The following HSPH1 variants were observed in gnomAD, a reference collection of about 807,000 sequenced individuals.
HSPH1 encodes heat shock protein family H (Hsp110) member 1.
A neutral mutation model predicts 100.0 loss-of-function variants in HSPH1; 40 were observed. That is an observed-to-expected ratio of 0.40 (90% CI 0.31 to 0.52). The LOEUF is 0.52. Ranked by LOEUF, HSPH1 falls within the 20% of genes least tolerant of loss-of-function variation. HSPH1 has a pLI of 0.54. For missense variants in HSPH1, 876 were observed against 1,015.1 expected (o/e 0.86, Z 1.86); for synonymous variants, 403 against 344.0 (o/e 1.17, Z -1.90).
rs1311889718 is a variant in HSPH1 at position 31,137,088 on chromosome 13, C to A, written c.*230G>T. 5.8e-6 allele frequency: 4 copies of A among 689,452 alleles called. No individual in the cohort carries two copies. Among genetic ancestry groups the A allele is most frequent in the East Asian group, 3.0e-5 (1 of 33,668 alleles). The allele number at this position is 689,452 out of a possible 1,614,324, so 42.7% of individuals were successfully genotyped here. On this transcript the variant is annotated 3_prime_UTR_variant, in exon 18 of 18. Transcript: ENST00000320027. ...GCAAATGGTGAGACTGCACAGAAAGCTTAGTATGAATTCACAATTCCACAG... is the reference window on the plus strand; with the variant it reads ...GCAAATGGTGAGACTGCACAGAAAGATTAGTATGAATTCACAATTCCACAG...
At chr13:31,138,112 A>C (rs147915449) in intron 17 of HSPH1, among the ~76,000 whole-genome samples, 1 of 152,070 alleles carries the variant, frequency 6.6e-6, no homozygotes, top group African/African-American at 2.4e-5. Context: ...GATGAGTTCC[A>C]TAAGGGCAGA....
intron 13 of HSPH1, chr13:31,140,804 A>G (rs924533389): frequency 1.5e-5 from 3 of 197,436 alleles, no homozygotes; most frequent in East Asian, 2.4e-4. Flanking sequence ...ATTTCAGACT[A>G]CTAAAAAAAT....
intron 1 of HSPH1, among the ~76,000 whole-genome samples, chr13:31,160,948 A>T (rs1217087275): frequency 6.6e-6 from 1 of 152,206 alleles, no homozygotes; most frequent in Admixed American, 6.5e-5. Flanking sequence ...CAGCGACACA[A>T]GCTCTGGAAG....
chr13:31,154,200 G>A (rs2073269416), intron 4 of HSPH1: 2 of 214,174 alleles, frequency 9.3e-6, no homozygotes, highest in South Asian at 6.8e-5. Flanking sequence ...GTCCACTGAA[G>A]GTAACAGGCT....
chr13:31,145,512 T>C (rs1185220308), intron 11 of HSPH1, 51 bp downstream of exon 11: 1 of 1,431,220 alleles, frequency 7.0e-7, no homozygotes, highest in Non-Finnish European at 9.8e-7. Flanking sequence ...CTCCTATAGC[T>C]TAGAACTAAG....
At chr13:31,143,949 G>A (rs1357478348) in intron 11 of HSPH1, 26 bp from the exon 12 acceptor site, 4 of 1,560,194 alleles carry the variant, frequency 2.6e-6, no homozygotes, top group African/African-American at 1.4e-5. Flanking sequence ...AGGCACAAAG[G>A]ATGTAGAAAG....
At chr13:31,152,609 C>A in intron 5 of HSPH1, 1 of 271,082 alleles carries the variant, frequency 3.7e-6, no homozygotes, top group Non-Finnish European at 7.0e-6. Flanking sequence ...AAGCTAAATC[C>A]AACCTACATT....
At chr13:31,139,158 CACA>C (rs775255909) in intron 14 of HSPH1, 51 bp from the exon 15 acceptor site, 1 of 1,142,790 alleles carries the variant, frequency 8.8e-7, no homozygotes. Context: ...CAGAATTTTT[CACA>C]ACAAAACAAA....
Position 31,135,561 on chromosome 13 carries a change from A to G in HSPH1, c.*1757T>C, listed in dbSNP as rs1955864135. On this transcript the variant is annotated 3_prime_UTR_variant, in exon 18 of 18. Transcript: ENST00000320027. ...TTACATTCCAATATTACAAATGAGTACAATATGCAATGCATGAAAAATAAG... is the reference window on the plus strand; with the variant it reads ...TTACATTCCAATATTACAAATGAGTGCAATATGCAATGCATGAAAAATAAG... 6.6e-6 allele frequency: 1 copy of G among 152,260 alleles called. No individual in the cohort carries two copies. The highest frequency in any genetic ancestry group is 1.5e-5 in the Non-Finnish European group (1 of 68,044). 9.4% of individuals were successfully genotyped at this position (152,260 alleles called of 1,614,324 possible).
chr13:31,158,189 G>C (rs1242055728), intron 2 of HSPH1, among the ~76,000 whole-genome samples: 9 of 152,096 alleles, frequency 5.9e-5, no homozygotes, highest in Admixed American at 5.2e-4. Flanking sequence ...AACTTCACAA[G>C]AACTTAAAAT....
At chr13:31,157,635 A>C (rs1956745478) in intron 2 of HSPH1, among the ~76,000 whole-genome samples, 1 of 152,186 alleles carries the variant, frequency 6.6e-6, no homozygotes, top group Admixed American at 6.5e-5. Context: ...CTTTCTTAGC[A>C]ATCTATTTTC....
intron 10 of HSPH1, 114 bp from the exon 11 acceptor site, chr13:31,145,882 G>A (rs1566001641): frequency 1.2e-6 from 1 of 847,834 alleles, no homozygotes; most frequent in Non-Finnish European, 1.9e-6. Context: ...CACTTTGGGA[G>A]GCCGTGGTGG....
chr13:31,148,318 T>C, intron 9 of HSPH1, 56 bp downstream of exon 9: 1 of 1,154,964 alleles, frequency 8.7e-7, no homozygotes, highest in Admixed American at 2.0e-5. Context: ...GAGAAGTCAT[T>C]TGTTAATTTT....
At chr13:31,154,188 T>C (rs1956591891) in intron 4 of HSPH1, 2 of 206,866 alleles carry the variant, frequency 9.7e-6, no homozygotes, top group South Asian at 7.5e-5. Flanking sequence ...TAACTAGTAA[T>C]TGTCCACTGA....
At position 31,136,290 on chromosome 13, in the gene HSPH1, G is replaced by A. The variant is rs956807011; in HGVS notation, c.*1028C>T. 2.6e-5 allele frequency: 4 copies of A among 152,126 alleles called. No individual in the cohort carries two copies. Among genetic ancestry groups the A allele is most frequent in the African/African-American group, 7.2e-5 (3 of 41,406 alleles). The allele number at this position is 152,126 out of a possible 1,614,324, so 9.4% of individuals were successfully genotyped here. On this transcript the variant is annotated 3_prime_UTR_variant, in exon 18 of 18. Coordinates refer to ENST00000320027, the MANE Select transcript of HSPH1 (RefSeq NM_006644.4). ...TGTATTTACTAATTTCCCTGGCACA[G>A]AGTTTTTAAAAACAGCCTACAGCAC...
chr13:31,158,392 T>C (rs1956774645), intron 2 of HSPH1, among the ~76,000 whole-genome samples: 1 of 151,658 alleles, frequency 6.6e-6, no homozygotes. Flanking sequence ...CCACTAAAAA[T>C]ACAAAAACTA....
intron 10 of HSPH1, among the ~76,000 whole-genome samples, 176 bp downstream of exon 10, chr13:31,147,780 ACTC>A (rs945024666): frequency 1.3e-5 from 2 of 152,066 alleles, no homozygotes; most frequent in African/African-American, 4.8e-5. Flanking sequence ...AGACCAGCTG[ACTC>A]CTCAATAAAA....
rs758464726 is a variant in HSPH1, at chr13:31,138,578, A to AATAACACG, written c.2209-18_2209-11dup. 4.4e-6 allele frequency: 7 copies of AATAACACG among 1,600,142 alleles called. No individual in the cohort carries two copies. The highest frequency in any genetic ancestry group is 6.0e-6 in the Non-Finnish European group (7 of 1,174,312). On this transcript the variant is annotated splice_polypyrimidine_tract_variant and intron_variant, in intron 16 of 17. Coordinates refer to ENST00000320027, the MANE Select transcript of HSPH1 (RefSeq NM_006644.4). ...GGTTGTATTTCTCATCCTGAACAAA[A>AATAACACG]ATAACACGGTCATTCTGTAGAATTT... is the stretch of plus-strand genomic sequence containing the variant.
intron 13 of HSPH1, chr13:31,140,701 A>G (rs1008813115): frequency 2.3e-5 from 4 of 172,474 alleles, no homozygotes; most frequent in Non-Finnish European, 3.6e-5. Context: ...AAATAAATGG[A>G]CTACAGTTTA....
Sources: allele counts gnomAD v4.1 joint callset (sites outside exome capture counted in the v4.1 genomes callset), GRCh38; gene constraint gnomAD v4.1.1; transcripts MANE v1.5; gene names NCBI Gene and HGNC (gene_info 2026-07-23, HGNC 2026-07-21).